MAP1LC3C: variants seen among roughly 807,000 people sequenced by gnomAD.
The protein encoded by MAP1LC3C is microtubule-associated protein 1 light chain 3 gamma.
A neutral mutation model predicts 10.4 loss-of-function variants in MAP1LC3C; 12 were observed. The observed-to-expected ratio is 1.15, with a 90% CI of 0.74 to 1.86. MAP1LC3C has a LOEUF of 1.86. MAP1LC3C is among the 40% of genes most tolerant of loss of function. The pLI is 0.00. For missense variants in MAP1LC3C, 177 were observed against 185.7 expected (o/e 0.95, Z 0.27); for synonymous variants, 70 against 69.0 (o/e 1.01, Z -0.07).
At chr1:241,997,666 T>A (rs1448466809) in intron 3 of MAP1LC3C, among the ~76,000 whole-genome samples, 1 of 152,214 alleles carries the variant, frequency 6.6e-6, no homozygotes, top group Non-Finnish European at 1.5e-5. Context: ...AATCCATGTG[T>A]CAAGTGATGT....
intron 3 of MAP1LC3C, among the ~76,000 whole-genome samples, chr1:241,997,825 A>G (rs1665114685): frequency 1.3e-5 from 2 of 151,988 alleles, no homozygotes; most frequent in South Asian, 2.1e-4. Context: ...AGGCACACAT[A>G]CACTTGGAAA....
Position 241,996,155 on chromosome 1 carries a change from G to T in MAP1LC3C, c.*8C>A. 1 of 1,608,812 alleles carries T rather than the reference G, an allele frequency of 6.2e-7. No individual in the cohort carries two copies. The highest frequency in any genetic ancestry group is 1.1e-5 in the South Asian group (1 of 90,812). ...GTCTGTCAGAGCACACATCCTTCCC[G>T]ACATGGGCTAGAGAGGATTGCAGGG... On this transcript the variant is annotated 3_prime_UTR_variant, in exon 4 of 4. Transcript: ENST00000357246.
At chr1:241,999,143 AT>A, upstream of MAP1LC3C, 1 of 1,426,412 alleles carries the variant, frequency 7.0e-7, no homozygotes, top group Non-Finnish European at 9.1e-7. Flanking sequence ...GCTGAGTGAC[AT>A]CAGGCCTCTC....
In MAP1LC3C at chr1:241,998,504, C is replaced by T. The variant is rs1026244378; in HGVS notation, c.221+10G>A. On this transcript the variant is annotated intron_variant, in intron 3 of 3. Transcript: ENST00000357246. ...GCACCTTCCTCCGGGGCACGCTCTG[C>T]GCCACCTACCGGATGATGCTGAGGA... 4.0e-5 allele frequency: 65 copies of T among 1,612,492 alleles called. No homozygotes were observed. Among genetic ancestry groups the T allele is most frequent in the Non-Finnish European group, 5.5e-5 (65 of 1,178,746 alleles).
At chr1:241,999,194 A>C, upstream of MAP1LC3C, 1 of 1,231,580 alleles carries the variant, frequency 8.1e-7, no homozygotes, top group Non-Finnish European at 1.1e-6. Context: ...CCTGGGCAGC[A>C]GGAGGTCAGT....
At chr1:242,000,336 G>A (rs1322432620), upstream of MAP1LC3C, among the ~76,000 whole-genome samples, 1 of 152,162 alleles carries the variant, frequency 6.6e-6, no homozygotes, top group Admixed American at 6.6e-5. Flanking sequence ...TGCCTCCTGA[G>A]TTCAAGCGAT....
chr1:241,998,230 C>T (rs1266935972), intron 3 of MAP1LC3C, among the ~76,000 whole-genome samples: 5 of 151,972 alleles, frequency 3.3e-5, no homozygotes. Context: ...ACCACGTTGG[C>T]CAGGCTGGTC....
At chr1:241,998,363 A>C (rs1665128970) in intron 3 of MAP1LC3C, 151 bp downstream of exon 3, 1 of 645,950 alleles carries the variant, frequency 1.5e-6, no homozygotes. Flanking sequence ...TCAGGGTACT[A>C]GTGAATCTAA....
Position 241,996,031 on chromosome 1 carries a change from G to C in MAP1LC3C, c.*132C>G. The C allele has an allele frequency of 1.4e-6, 1 of 689,868 alleles. No homozygotes were observed. Among genetic ancestry groups the C allele is most frequent in the Non-Finnish European group, 2.3e-6 (1 of 434,536 alleles). The allele number at this position is 689,868 out of a possible 1,614,324, so 42.7% of individuals were successfully genotyped here. ...AACTAGGAAGAGCCACCACTCTGCT[G>C]CCACTGGTTGGAGCTGATCACCCCA... is the stretch of plus-strand genomic sequence containing the variant. On this transcript the variant is annotated 3_prime_UTR_variant, in exon 4 of 4. Transcript: ENST00000357246.
At chr1:242,001,302 CACTT>C (rs1246527893), upstream of MAP1LC3C, among the ~76,000 whole-genome samples, 2 of 149,856 alleles carry the variant, frequency 1.3e-5, no homozygotes. Context: ...TAAAAAAAGA[CACTT>C]ACCACTTTGA....
intron 3 of MAP1LC3C, among the ~76,000 whole-genome samples, chr1:241,998,008 A>G (rs1665119193): frequency 7.1e-6 from 1 of 140,350 alleles, no homozygotes; most frequent in Non-Finnish European, 1.5e-5. Context: ...TACCTGTTTA[A>G]AATAGAGTAA....
intron 3 of MAP1LC3C, 52 bp from the exon 4 acceptor site, chr1:241,996,437 A>G (rs754779566): frequency 2.8e-6 from 4 of 1,443,332 alleles, no homozygotes; most frequent in Non-Finnish European, 2.9e-6. Flanking sequence ...CAGCCCAGGG[A>G]TCTGCAGCCT....
At position 241,996,278 on chromosome 1, in the gene MAP1LC3C, T is replaced by A. The variant is rs776195745; in HGVS notation, c.329A>T (p.Asp110Val). 11 of 1,614,060 alleles carry A rather than the reference T, an allele frequency of 6.8e-6. No homozygotes were observed. Among genetic ancestry groups the A allele is most frequent in the Middle Eastern group, 1.6e-4 (1 of 6,084 alleles). ...GGTCATGTACACGAAGCCATCCTCATCCTTGTAGTCTCTGTAGATCTCTGC... is the reference window on the plus strand; with the variant it reads ...GGTCATGTACACGAAGCCATCCTCAACCTTGTAGTCTCTGTAGATCTCTGC... ...TMAEIYRDYK[D>V]EDGFVYMTYA... is the part of the protein sequence containing the mutation. The change falls in exon 4 of 4, where the codon GAT becomes GTT. Residue 110 changes from aspartate to valine, a missense_variant. Physicochemically the swap from Asp to Val is radical, Grantham distance 152. Coordinates refer to ENST00000357246, the MANE Select transcript of MAP1LC3C (RefSeq NM_001004343.3).
intron 3 of MAP1LC3C, among the ~76,000 whole-genome samples, chr1:241,998,025 T>TTTTTTTTTG (rs1665121886): frequency 7.0e-5 from 1 of 14,190 alleles, no homozygotes; most frequent in Non-Finnish European, 2.1e-4. Context: ...GTAATTCTTT[T>TTTTTTTTTG]TTTTTTTTTT....
At chr1:241,997,383 G>A (rs949913832) in intron 3 of MAP1LC3C, among the ~76,000 whole-genome samples, 6 of 152,152 alleles carry the variant, frequency 3.9e-5, no homozygotes, top group African/African-American at 4.8e-5. Context: ...AGCCGGGCAC[G>A]GTGGTGCTTT....
At chr1:241,997,922 G>T (rs866029896) in intron 3 of MAP1LC3C, among the ~76,000 whole-genome samples, 1 of 151,824 alleles carries the variant, frequency 6.6e-6, no homozygotes, top group Non-Finnish European at 1.5e-5. Context: ...TGAGAGCCAA[G>T]ACTAACTACT....
In MAP1LC3C at chr1:241,997,767, A is replaced by T. The variant is rs28465248; in HGVS notation, c.221+747T>A. On this transcript the variant is annotated intron_variant, in intron 3 of 3. Coordinates refer to ENST00000357246, the MANE Select transcript of MAP1LC3C (RefSeq NM_001004343.3). ...TGTTTGGGGGATGCTTTTCTCTCTC[A>T]GTGTTCTGAGCAGGGAACGTTTCCT... Among the ~76,000 whole-genome samples the T allele has an allele frequency of 3.4e-3, 513 of 152,162 alleles. 3 individuals carry two copies. Among genetic ancestry groups the T allele is most frequent in the African/African-American group, 0.012 (490 of 41,512 alleles).
chr1:241,999,982 T>C (rs955098861), upstream of MAP1LC3C, among the ~76,000 whole-genome samples: 4 of 152,158 alleles, frequency 2.6e-5, no homozygotes, highest in East Asian at 1.9e-4. Flanking sequence ...TGGTCATACA[T>C]AGGGGAAACC....
Position 241,999,075 on chromosome 1 carries a change from C to T in MAP1LC3C, c.-67G>A, listed in dbSNP as rs1665148300. On this transcript the variant is annotated 5_prime_UTR_variant, in exon 1 of 4. It removes an upstream start codon present in the reference 5' UTR. Coordinates refer to ENST00000357246, the MANE Select transcript of MAP1LC3C (RefSeq NM_001004343.3). ...CTGTCCCGCAACCGGGAACCTAACT[C>T]ATTCCTCCAGCTGCTTCCAAACTGC... The T allele has an allele frequency of 1.3e-6, 2 of 1,542,110 alleles. No homozygotes were observed. The highest frequency in any genetic ancestry group is 1.7e-6 in the Non-Finnish European group (2 of 1,156,474).
Sources: gnomAD v4.1 joint callset for allele counts (sites outside exome capture counted in the v4.1 genomes callset) on GRCh38, gnomAD v4.1.1 for gene constraint, MANE v1.5 for transcripts, NCBI Gene and HGNC (gene_info 2026-07-23, HGNC 2026-07-21) for gene names.